The following TBXAS1 variants were observed in gnomAD, a reference collection of about 807,000 sequenced individuals.
TBXAS1 encodes thromboxane A synthase 1.
Under a neutral mutation model 60.7 loss-of-function variants are expected in TBXAS1, and 48 were observed. That is an observed-to-expected ratio of 0.79 (90% CI 0.63 to 1.01). The LOEUF (loss-of-function observed/expected upper bound fraction) is 1.01. TBXAS1 is among the 50% of genes least tolerant of loss of function. The pLI, the probability that TBXAS1 is intolerant of heterozygous loss-of-function variation, is 0.00. For missense variants in TBXAS1, 685 were observed against 686.3 expected (o/e 1.00, Z 0.02); for synonymous variants, 287 against 269.7 (o/e 1.06, Z -0.63).
Position 139,916,299 on chromosome 7 carries a change from C to T in TBXAS1, c.333+4978C>T, listed in dbSNP as rs1388703656. ...ATAAGAGGTAAGCCAGTCTTTGGCC[C>T]ATGTTAGCTTGGTCTGGTCAGATAG... On this transcript the variant is annotated intron_variant, in intron 4 of 12. Transcript: ENST00000448866. The surrounding 1 kb of genome is among the most constrained non-coding windows in gnomAD (Gnocchi z 4.2). Among the ~76,000 whole-genome samples the T allele has an allele frequency of 2.6e-5, 4 of 152,142 alleles. No individual in the cohort carries two copies. Among genetic ancestry groups the T allele is most frequent in the African/African-American group, 9.7e-5 (4 of 41,418 alleles).
chr7:139,787,172 A>G (rs530245507), intron 3 of TBXAS1, among the ~76,000 whole-genome samples: 2 of 152,344 alleles, frequency 1.3e-5, no homozygotes, highest in Non-Finnish European at 2.9e-5. Flanking sequence ...ATCTTTTGTC[A>G]TAGAATTCTG....
At chr7:139,974,988 T>C (rs1298323561) in intron 9 of TBXAS1, among the ~76,000 whole-genome samples, 1 of 152,202 alleles carries the variant, frequency 6.6e-6, no homozygotes. Flanking sequence ...TTTTCAGGAA[T>C]TGGCTCATGT....
intron 7 of TBXAS1, 87 bp downstream of exon 7, chr7:139,955,694 G>C: frequency 6.3e-7 from 1 of 1,582,538 alleles, no homozygotes; most frequent in Non-Finnish European, 8.6e-7. Flanking sequence ...CTGGGGCTCT[G>C]TCCCTGCCAC....
chr7:139,937,935 G>T (rs1807935194), intron 5 of TBXAS1, among the ~76,000 whole-genome samples: 1 of 148,726 alleles, frequency 6.7e-6, no homozygotes, highest in Non-Finnish European at 1.5e-5. Context: ...TGGGGGGTGG[G>T]GGAGGGTCAG....
At chr7:139,836,035 AAAATAAATAAATAAATAAATAAATAAAT>A (rs201367497) in intron 1 of TBXAS1, among the ~76,000 whole-genome samples, 1 of 140,348 alleles carries the variant, frequency 7.1e-6, no homozygotes, top group East Asian at 2.1e-4. Context: ...AATAGCTGCA[AAAATAAATAAATAAATAAATAAATAAAT>A]AAATAAATAA....
intron 9 of TBXAS1, among the ~76,000 whole-genome samples, chr7:139,967,503 G>A (rs1030650233): frequency 2.6e-5 from 4 of 152,140 alleles, no homozygotes; most frequent in East Asian, 1.9e-4. Flanking sequence ...CAAGTTCAAC[G>A]GGAAGAAGCA....
intron 3 of TBXAS1, among the ~76,000 whole-genome samples, chr7:139,878,711 A>G (rs143417508): frequency 1.3e-5 from 2 of 152,252 alleles, no homozygotes; most frequent in Non-Finnish European, 2.9e-5. Context: ...GACTATGCTC[A>G]ATGAACAGCA....
chr7:139,786,888 G>A (rs1797218229), intron 3 of TBXAS1, among the ~76,000 whole-genome samples: 1 of 152,168 alleles, frequency 6.6e-6, no homozygotes, highest in Admixed American at 6.5e-5. Flanking sequence ...TAGTAGGATG[G>A]GATGCTTTAG....
intron 9 of TBXAS1, among the ~76,000 whole-genome samples, chr7:139,992,902 G>A (rs1427141927): frequency 6.6e-6 from 1 of 152,198 alleles, no homozygotes; most frequent in Non-Finnish European, 1.5e-5. Flanking sequence ...CTGGTGCAGT[G>A]GCTCACGCCT....
intron 3 of TBXAS1, among the ~76,000 whole-genome samples, chr7:139,884,357 A>G (rs1369258123): frequency 6.6e-6 from 1 of 152,248 alleles, no homozygotes; most frequent in Non-Finnish European, 1.5e-5. Flanking sequence ...ACCATTTAAG[A>G]CATCTCTCTG....
chr7:139,822,111 G>C (rs979447267), intron 4 of TBXAS1, among the ~76,000 whole-genome samples: 1 of 152,208 alleles, frequency 6.6e-6, no homozygotes, highest in Non-Finnish European at 1.5e-5. Context: ...GGCTCAGAGA[G>C]ATCATTTTGG....
At chr7:139,995,750 C>G (rs1016012616) in intron 9 of TBXAS1, among the ~76,000 whole-genome samples, 1 of 152,220 alleles carries the variant, frequency 6.6e-6, no homozygotes, top group African/African-American at 2.4e-5. Flanking sequence ...GCTCCACCCC[C>G]ACAACTGCAT....
intron 1 of TBXAS1, among the ~76,000 whole-genome samples, chr7:139,865,900 G>T (rs372580494): frequency 7.0e-6 from 1 of 143,850 alleles, no homozygotes; most frequent in Non-Finnish European, 1.5e-5. Context: ...GAAGGAGGGA[G>T]GGAGGAAGGA....
rs996472814 is a variant in TBXAS1, at chr7:140,004,816, G to C, written c.1135-2275G>C. On this transcript the variant is annotated intron_variant, in intron 9 of 12. Coordinates refer to ENST00000448866, the MANE Select transcript of TBXAS1 (RefSeq NM_001061.7). The surrounding 1 kb of genome is among the most constrained non-coding windows in gnomAD (Gnocchi z 5.1). ...CTGTGCTATGACACCCTCAGTACCT[G>C]GGCTAGGGGTGGGCAGAGGTTTGCC... Among the ~76,000 whole-genome samples the C allele has an allele frequency of 1.3e-5, 2 of 152,240 alleles. No individual in the cohort carries two copies. Among genetic ancestry groups the C allele is most frequent in the African/African-American group, 2.4e-5 (1 of 41,458 alleles).
intron 9 of TBXAS1, among the ~76,000 whole-genome samples, chr7:139,994,429 A>G (rs1412453303): frequency 6.6e-6 from 1 of 152,160 alleles, no homozygotes; most frequent in African/African-American, 2.4e-5. Flanking sequence ...AGCTGGCCAC[A>G]CAAATGGACC....
At chr7:139,821,547 A>C (rs1213597892) in intron 4 of TBXAS1, among the ~76,000 whole-genome samples, 1 of 152,218 alleles carries the variant, frequency 6.6e-6, no homozygotes, top group East Asian at 1.9e-4. Flanking sequence ...GCCCATCCAT[A>C]TCTCCATAGC....
intron 3 of TBXAS1, among the ~76,000 whole-genome samples, chr7:139,904,862 T>C (rs964052443): frequency 2.0e-5 from 3 of 151,924 alleles, no homozygotes; most frequent in Non-Finnish European, 4.4e-5. Flanking sequence ...GTCCTTAGGG[T>C]TTTCAAGGTA....
intron 9 of TBXAS1, among the ~76,000 whole-genome samples, chr7:139,971,262 C>G (rs112334538): frequency 1.3e-5 from 2 of 152,278 alleles, no homozygotes; most frequent in African/African-American, 4.8e-5. Context: ...CTCCTCCCAG[C>G]CCGTGAAGAG....
At chr7:139,872,214 G>C in intron 1 of TBXAS1, 21 bp from the exon 2 acceptor site, 2 of 1,608,692 alleles carry the variant, frequency 1.2e-6, no homozygotes, top group Middle Eastern at 1.7e-4. Flanking sequence ...CTCAGCTTTT[G>C]AAATCTGCTT....
Sources: allele counts gnomAD v4.1 joint callset (sites outside exome capture counted in the v4.1 genomes callset), GRCh38; gene constraint gnomAD v4.1.1; non-coding constraint Gnocchi (gnomAD v3.1); transcripts MANE v1.5; gene names NCBI Gene and HGNC (gene_info 2026-07-23, HGNC 2026-07-21).